Variants in THRAP3 observed in about 807,000 individuals in gnomAD.
THRAP3 encodes thyroid hormone receptor-associated protein 3.
Under a neutral mutation model 101.0 loss-of-function variants are expected in THRAP3, and 16 were observed. The observed-to-expected ratio is 0.16, with a 90% confidence interval of 0.11 to 0.24. The LOEUF (loss-of-function observed/expected upper bound fraction) is 0.24. THRAP3 is among the 10% of genes least tolerant of loss of function. The pLI, the probability that THRAP3 is intolerant of heterozygous loss-of-function variation, is 1.00. For missense variants in THRAP3, 989 were observed against 1,202.7 expected (o/e 0.82, Z 2.63); for synonymous variants, 407 against 422.6 (o/e 0.96, Z 0.45).
chr1:36,245,011 C>T (rs1459776331), intron 1 of THRAP3, among the ~76,000 whole-genome samples: 4 of 152,044 alleles, frequency 2.6e-5, no homozygotes. Context: ...TGAGCCACCA[C>T]GCCTGGCCAG....
chr1:36,262,440 G>A (rs940490511), intron 2 of THRAP3, among the ~76,000 whole-genome samples: 11 of 152,080 alleles, frequency 7.2e-5, no homozygotes. Flanking sequence ...TAACACACAC[G>A]TTTTTTTCCT....
chr1:36,260,588 C>T (rs962392801), intron 2 of THRAP3, among the ~76,000 whole-genome samples: 103 of 152,192 alleles, frequency 6.8e-4, no homozygotes, highest in African/African-American at 2.4e-3. Context: ...TTTGGGAGGC[C>T]GAGGCGGGCG....
chr1:36,230,998 G>A (rs1242479962), intron 1 of THRAP3, among the ~76,000 whole-genome samples: 1 of 152,128 alleles, frequency 6.6e-6, no homozygotes, highest in Non-Finnish European at 1.5e-5. Flanking sequence ...CTGACATGTA[G>A]CCCTGACCTG....
chr1:36,271,591 C>CTTTTTTTTTTT (rs34782789), intron 2 of THRAP3, among the ~76,000 whole-genome samples: 2 of 60,136 alleles, frequency 3.3e-5, no homozygotes, highest in Non-Finnish European at 3.2e-5. Context: ...TTTTTCTTAT[C>CTTTTTTTTTTT]TTTTTTTTTT....
chr1:36,259,581 A>C (rs1249982294), intron 2 of THRAP3, 97 bp downstream of exon 2: 1 of 391,838 alleles, frequency 2.6e-6, no homozygotes, highest in Non-Finnish European at 4.5e-6. Flanking sequence ...CCTATGCAAC[A>C]TGGTGAGATC....
upstream of THRAP3, among the ~76,000 whole-genome samples, chr1:36,220,970 AAAATATATAT>A (rs1308854632): frequency 3.9e-5 from 5 of 128,462 alleles, no homozygotes; most frequent in Admixed American, 1.6e-4. Flanking sequence ...AAAAAAAAAA[AAAATATATAT>A]ATATATATAT....
At chr1:36,243,151 C>CTTTTTTTT (rs58340320) in intron 1 of THRAP3, among the ~76,000 whole-genome samples, 13 of 60,820 alleles carry the variant, frequency 2.1e-4, no homozygotes, top group Non-Finnish European at 2.7e-4. Context: ...GAGGAACTTT[C>CTTTTTTTT]TTTTTTTTTT....
chr1:36,279,592 C>G lies in THRAP3; in HGVS notation c.-31-2941C>G, dbSNP rs945787056. 2.6e-5 allele frequency among the ~76,000 whole-genome samples: 4 copies of G among 152,174 alleles called. 1 individual carries two copies. The highest frequency in any genetic ancestry group is 2.6e-4 in the Admixed American group (4 of 15,272). On this transcript the variant is annotated intron_variant, in intron 2 of 11. Transcript: ENST00000354618. ...ATATCTTTGACCTTGCTAGAGCTTGCAACAGTGTGATCTTTTTGGCAGGAT... is the reference window on the plus strand; with the variant it reads ...ATATCTTTGACCTTGCTAGAGCTTGGAACAGTGTGATCTTTTTGGCAGGAT...
At chr1:36,284,977 T>C (rs1645777723) in intron 3 of THRAP3, among the ~76,000 whole-genome samples, 1 of 152,234 alleles carries the variant, frequency 6.6e-6, no homozygotes, top group South Asian at 2.1e-4. Context: ...CAGTAAGATA[T>C]ATCTTTGCCA....
intron 1 of THRAP3, among the ~76,000 whole-genome samples, chr1:36,240,396 G>A (rs967610285): frequency 2.0e-5 from 3 of 152,214 alleles, no homozygotes; most frequent in African/African-American, 7.2e-5. Context: ...AGGGCAGGAG[G>A]AGAGGAAGCC....
At chr1:36,251,999 G>T (rs964132180) in intron 1 of THRAP3, among the ~76,000 whole-genome samples, 10 of 152,176 alleles carry the variant, frequency 6.6e-5, no homozygotes, top group African/African-American at 2.4e-4. Flanking sequence ...GCTTTGGGAT[G>T]ACTAATTACT....
Position 36,289,632 on chromosome 1 carries a change from C to A in THRAP3, c.1613C>A (p.Pro538Gln), listed in dbSNP as rs1570334093. The A allele has an allele frequency of 1.2e-6, 2 of 1,614,132 alleles. No homozygotes were observed. Among genetic ancestry groups the A allele is most frequent in the Non-Finnish European group, 1.7e-6 (2 of 1,180,008 alleles). Residue 538 changes from proline (P) to glutamine (Q), a missense_variant, in exon 5 of 12, where the codon CCA becomes CAA. Coordinates refer to ENST00000354618, the MANE Select transcript of THRAP3 (RefSeq NM_005119.4). ...CAGGAGAAAAGCTCATCACCTCCCC[C>A]AAGAAAGACCTCTGAGAGCCGAGAC... ...AVQEKSSSPP[P>Q]RKTSESRDKL...
At chr1:36,249,190 TC>T (rs1302996238) in intron 1 of THRAP3, among the ~76,000 whole-genome samples, 4 of 123,338 alleles carry the variant, frequency 3.2e-5, no homozygotes, top group Non-Finnish European at 5.0e-5. Flanking sequence ...GCCAGCACAG[TC>T]CCTTTTTTTT....
rs377556988 is a variant in THRAP3 at position 36,301,477 on chromosome 1, T to C, written c.2503-76T>C. On this transcript the variant is annotated intron_variant, in intron 10 of 11. Transcript: ENST00000354618. ...GTCTATTCCACACCAGAAAAATGTT[T>C]GAACAAAAAGCAGGGGGGTTTGTTC... 3.3e-4 allele frequency: 514 copies of C among 1,548,186 alleles called. 6 individuals carry two copies. In the South Asian group the frequency reaches 5.9e-3, roughly 18 times the overall value.
intron 1 of THRAP3, among the ~76,000 whole-genome samples, chr1:36,228,892 T>C (rs1644992794): frequency 1.3e-5 from 2 of 152,198 alleles, no homozygotes; most frequent in African/African-American, 2.4e-5. Flanking sequence ...CCCAGCACTT[T>C]GGGAGGCTAA....
At chr1:36,301,742 C>T in intron 11 of THRAP3, 46 bp downstream of exon 11, 1 of 1,578,346 alleles carries the variant, frequency 6.3e-7, no homozygotes, top group Non-Finnish European at 8.6e-7. Context: ...GCCTTTGACA[C>T]ACAGAGTAGC....
rs535157519 is a variant in THRAP3, at chr1:36,242,613, C to T, written c.-134-16769C>T. Among the ~76,000 whole-genome samples, 8 of 152,200 alleles carry T rather than the reference C, an allele frequency of 5.3e-5. No homozygotes were observed. In the East Asian group the frequency reaches 1.2e-3, roughly 22 times the overall value. On this transcript the variant is annotated intron_variant, in intron 1 of 11. Coordinates refer to ENST00000354618, the MANE Select transcript of THRAP3 (RefSeq NM_005119.4). ...GACTACAGGCGCCAGCCACCACGCT[C>T]GGCTAATTTTTTGTATTTTTAGTAG...
intron 1 of THRAP3, among the ~76,000 whole-genome samples, chr1:36,228,782 T>TA (rs1191076284): frequency 1.3e-5 from 2 of 152,172 alleles, no homozygotes; most frequent in Non-Finnish European, 2.9e-5. Flanking sequence ...CCATATTCGT[T>TA]AGAGTTTCAA....
intron 7 of THRAP3, 41 bp downstream of exon 7, chr1:36,292,750 CTT>C (rs763841586): frequency 6.8e-6 from 10 of 1,474,518 alleles, no homozygotes; most frequent in Admixed American, 2.0e-5. Context: ...TAATAAAAGA[CTT>C]TGTATCAGAC....
Sources: allele counts gnomAD v4.1 joint callset (sites outside exome capture counted in the v4.1 genomes callset), GRCh38; gene constraint gnomAD v4.1.1; transcripts MANE v1.5; gene names NCBI Gene and HGNC (gene_info 2026-07-23, HGNC 2026-07-21).